Variants in ACVR2A observed in about 807,000 individuals in gnomAD.
ACVR2A encodes the protein activin receptor type-2A.
ACVR2A carries 7 observed loss-of-function variants against 61.4 expected under a neutral mutation model. That is an observed-to-expected ratio of 0.11 (90% CI 0.06 to 0.21). ACVR2A has a LOEUF of 0.21. Ranked by LOEUF, ACVR2A falls within the 10% of genes least tolerant of loss-of-function variation. The pLI is 1.00. For missense variants in ACVR2A, 322 were observed against 621.7 expected (o/e 0.52, Z 5.13); for synonymous variants, 193 against 208.3 (o/e 0.93, Z 0.63).
At chr2:147,902,870 T>C (rs1242442893) in intron 4 of ACVR2A, 1 of 152,012 alleles carries the variant, frequency 6.6e-6, no homozygotes, top group Non-Finnish European at 1.5e-5. Context: ...ACAGTCTTGC[T>C]GCGGATTTTT....
At chr2:147,922,317 G>C (rs1687401043) in intron 8 of ACVR2A, among the ~76,000 whole-genome samples, 1 of 151,950 alleles carries the variant, frequency 6.6e-6, no homozygotes, top group Non-Finnish European at 1.5e-5. Context: ...CCAATATCTA[G>C]ACTACTCTCT....
chr2:147,916,650 A>G (rs937021491), intron 5 of ACVR2A, among the ~76,000 whole-genome samples: 1 of 151,932 alleles, frequency 6.6e-6, no homozygotes, highest in Non-Finnish European at 1.5e-5. Context: ...CCATTATGCC[A>G]TAGTGCCTCT....
At chr2:147,877,039 C>T (rs200299769) in intron 1 of ACVR2A, among the ~76,000 whole-genome samples, 20 of 151,812 alleles carry the variant, frequency 1.3e-4, no homozygotes, top group Non-Finnish European at 2.5e-4. Context: ...TTCTTCTACA[C>T]GTCTTGATCG....
At chr2:147,910,468 C>T (rs1312555352) in intron 4 of ACVR2A, among the ~76,000 whole-genome samples, 2 of 152,132 alleles carry the variant, frequency 1.3e-5, no homozygotes, top group Non-Finnish European at 2.9e-5. Flanking sequence ...AGGATTATCT[C>T]AGCCTTTTGG....
chr2:147,857,647 C>T (rs1685617848), intron 1 of ACVR2A, among the ~76,000 whole-genome samples: 1 of 151,200 alleles, frequency 6.6e-6, no homozygotes, highest in African/African-American at 2.4e-5. Context: ...AGCAAACATT[C>T]TGCCAGGAGA....
chr2:147,848,467 T>C (rs1287181709), intron 1 of ACVR2A, among the ~76,000 whole-genome samples: 1 of 152,136 alleles, frequency 6.6e-6, no homozygotes, highest in African/African-American at 2.4e-5. Context: ...GCAGGGATGC[T>C]TCTAATCGTC....
intron 1 of ACVR2A, among the ~76,000 whole-genome samples, chr2:147,874,446 A>G (rs1461815629): frequency 6.6e-6 from 1 of 151,968 alleles, no homozygotes; most frequent in East Asian, 1.9e-4. Context: ...TTTATATCAC[A>G]TCTTCTAAGT....
intron 1 of ACVR2A, among the ~76,000 whole-genome samples, chr2:147,873,259 A>G (rs936231173): frequency 6.6e-6 from 1 of 151,974 alleles, no homozygotes; most frequent in Non-Finnish European, 1.5e-5. Context: ...ACATGAGCCA[A>G]AAAATGAAAT....
intron 4 of ACVR2A, among the ~76,000 whole-genome samples, chr2:147,906,881 G>C (rs570075299): frequency 1.9e-4 from 24 of 125,594 alleles, no homozygotes; most frequent in African/African-American, 7.2e-4. Context: ...ATGCAGGTTT[G>C]TTACATAGGT....
rs1038940670 is a variant in ACVR2A, at chr2:147,898,272, T to A, written c.264-1186T>A. 2.0e-4 allele frequency: 31 copies of A among 152,166 alleles called. 1 individual carries two copies. In the South Asian group the frequency reaches 4.1e-3, roughly 20 times the overall value. 9.4% of individuals were successfully genotyped at this position (152,166 alleles called of 1,614,324 possible). ...AAGAGAAGTAAGAGGAAAAGAAGAT[T>A]CAAGAATTGTCAAAGTGTGGAAGAA... is the stretch of plus-strand genomic sequence containing the variant. On this transcript the variant is annotated intron_variant, in intron 2 of 10. Transcript: ENST00000241416.
chr2:147,888,510 C>G lies in ACVR2A; in HGVS notation c.56-7791C>G, dbSNP rs1363598231. ...CTATACATGTTTTGTTAAATTATAC[C>G]TAAGTGTTTTATTTTTCTTCAGAGC... On this transcript the variant is annotated intron_variant, in intron 1 of 10. Coordinates refer to ENST00000241416, the MANE Select transcript of ACVR2A (RefSeq NM_001616.5). 4.6e-5 allele frequency among the ~76,000 whole-genome samples: 7 copies of G among 151,842 alleles called. No homozygotes were observed. In the East Asian group the frequency reaches 1.4e-3, roughly 29 times the overall value.
rs1445265639 is a variant in ACVR2A, at chr2:147,930,764, C to T, written c.*3490C>T. 2 of 151,798 alleles carry T rather than the reference C, an allele frequency of 1.3e-5. No individual in the cohort carries two copies. The highest frequency in any genetic ancestry group is 2.4e-5 in the African/African-American group (1 of 41,212). 9.4% of individuals were successfully genotyped at this position (151,798 alleles called of 1,614,324 possible). Reference sequence around the variant, plus strand: ...GGATAAGTGATTGTTAAATATTGTACAAATAAAATGTATGCTATCCCCATT... The same window carrying T: ...GGATAAGTGATTGTTAAATATTGTATAAATAAAATGTATGCTATCCCCATT... On this transcript the variant is annotated 3_prime_UTR_variant, in exon 11 of 11. Transcript: ENST00000241416.
At chr2:147,870,588 A>G (rs1685988590) in intron 1 of ACVR2A, among the ~76,000 whole-genome samples, 1 of 152,154 alleles carries the variant, frequency 6.6e-6, no homozygotes, top group Admixed American at 6.6e-5. Flanking sequence ...CAGGCTTGGT[A>G]ACCTGTAAAG....
At chr2:147,927,025 C>CTAT in intron 10 of ACVR2A, 55 bp from the exon 11 acceptor site, 1 of 1,537,798 alleles carries the variant, frequency 6.5e-7, no homozygotes, top group Non-Finnish European at 8.8e-7. Context: ...TTATTGTTTC[C>CTAT]TAATAGAAAA....
chr2:147,867,103 G>A (rs1363726472), intron 1 of ACVR2A, among the ~76,000 whole-genome samples: 2 of 152,180 alleles, frequency 1.3e-5, no homozygotes, highest in Non-Finnish European at 2.9e-5. Context: ...GGTAGAGCCT[G>A]AAAAGTCACC....
intron 1 of ACVR2A, among the ~76,000 whole-genome samples, chr2:147,850,503 C>T (rs1484320338): frequency 1.3e-5 from 2 of 152,072 alleles, no homozygotes; most frequent in African/African-American, 2.4e-5. Context: ...AAGTTTCGCT[C>T]ATCTTATTAT....
intron 4 of ACVR2A, among the ~76,000 whole-genome samples, chr2:147,905,795 GC>G (rs1686975438): frequency 6.6e-6 from 1 of 152,046 alleles, no homozygotes; most frequent in South Asian, 2.1e-4. Context: ...ACTTACAAAT[GC>G]TCAGACAAGG....
intron 4 of ACVR2A, among the ~76,000 whole-genome samples, chr2:147,901,954 T>C (rs970922798): frequency 3.3e-5 from 5 of 152,040 alleles, no homozygotes; most frequent in Admixed American, 3.3e-4. Flanking sequence ...CTTAGTTTTA[T>C]CTTCTATTTC....
At chr2:147,876,115 C>T (rs983380875) in intron 1 of ACVR2A, among the ~76,000 whole-genome samples, 2 of 152,124 alleles carry the variant, frequency 1.3e-5, no homozygotes, top group Admixed American at 1.3e-4. Context: ...GCATCTTCTA[C>T]AGCACTAGTG....
Sources: gnomAD v4.1 joint callset for allele counts (sites outside exome capture counted in the v4.1 genomes callset) on GRCh38, gnomAD v4.1.1 for gene constraint, MANE v1.5 for transcripts, NCBI Gene and HGNC (gene_info 2026-07-23, HGNC 2026-07-21) for gene names.